MMP3: variants seen among roughly 807,000 people sequenced by gnomAD.
MMP3 encodes matrix metallopeptidase 3, also known as stromelysin-1.
MMP3 carries 46 observed loss-of-function variants against 47.3 expected under a neutral mutation model. That is an observed-to-expected ratio of 0.97 (90% CI 0.77 to 1.24). The LOEUF is 1.24. Among genes scored for constraint, MMP3 ranks in the 50% most tolerant of loss-of-function variants. MMP3 has a pLI of 0.00. For synonymous variants in MMP3, 216 were observed against 206.5 expected (o/e 1.05, Z -0.39); for missense variants, 558 against 565.5 (o/e 0.99, Z 0.13).
At chr11:102,843,345 T>C (rs1054768363) in intron 1 of MMP3, 97 bp downstream of exon 1, 1 of 829,116 alleles carries the variant, frequency 1.2e-6, no homozygotes, top group African/African-American at 1.7e-5. Context: ...TCCTACACAG[T>C]AAGCTCAAGC....
intron 1 of MMP3, among the ~76,000 whole-genome samples, 167 bp downstream of exon 1, chr11:102,843,275 G>T (rs112520773): frequency 6.6e-6 from 1 of 152,084 alleles, no homozygotes; most frequent in Non-Finnish European, 1.5e-5. Context: ...AAGCCCAAAT[G>T]GTGTGATAAT....
chr11:102,842,178 C>A lies in MMP3; in HGVS notation c.601G>T (p.Glu201Ter). ...INGDAHFDDD[E>*]QWTKDTTGTN... ...CCTGTTGTATCCTTTGTCCATTGTT[C>A]ATCATCATCAAAGTGGGCATCTCCA... Residue 201 changes from glutamate to a stop codon, truncating the protein, a stop_gained, in exon 4 of 10, where the codon GAA becomes TAA. Coordinates refer to ENST00000299855, the MANE Select transcript of MMP3 (RefSeq NM_002422.5). LOFTEE classifies it high-confidence loss of function. 6.2e-7 allele frequency: 1 copy of A among 1,610,194 alleles called. No homozygotes were observed. Among genetic ancestry groups the A allele is most frequent in the South Asian group, 1.1e-5 (1 of 90,146 alleles).
At position 102,836,690 on chromosome 11, in the gene MMP3, A is replaced by G; in HGVS notation, c.1334-464T>C. 2 of 394,502 alleles carry G rather than the reference A, an allele frequency of 5.1e-6. No individual in the cohort carries two copies. Among genetic ancestry groups the G allele is most frequent in the Non-Finnish European group, 5.2e-6 (1 of 192,748 alleles). The allele number at this position is 394,502 out of a possible 1,614,324, so 24.4% of individuals were successfully genotyped here. On this transcript the variant is annotated intron_variant, in intron 9 of 9. Transcript: ENST00000299855. The surrounding 1 kb of genome is among the most constrained non-coding windows in gnomAD (Gnocchi z 4.6). ...TAGGAAGCACAGCAACTATTTCAAA[A>G]CACCAGGGGACCCTTTAGTGCTCTG... is the stretch of plus-strand genomic sequence containing the variant.
In MMP3 at chr11:102,836,161, G is replaced by C; in HGVS notation, c.1399C>G (p.His467Asp). 6.2e-7 allele frequency: 1 copy of C among 1,613,886 alleles called. No individual in the cohort carries two copies. Among genetic ancestry groups the C allele is most frequent in the African/African-American group, 1.3e-5 (1 of 75,034 alleles). Residue 467 changes from histidine (H) to aspartate (D), a missense_variant, in exon 10 of 10, where the codon CAC becomes GAC. Transcript: ENST00000299855. This position sits in a 1 kb window ranked among gnomAD's most constrained non-coding sequence, Gnocchi z 4.6. ...AGCCAGCTGTTACTCTTCAAAGTGT[G>C]TGTCACTTTCTTTGCATTTGGGTCA... ...EFDPNAKKVTHTLKSNSWLNC is the reference protein window; with the variant it reads ...EFDPNAKKVTDTLKSNSWLNC
chr11:102,837,046 A>G lies in MMP3; in HGVS notation c.1333+252T>C, dbSNP rs782738724. On this transcript the variant is annotated intron_variant, in intron 9 of 9. Coordinates refer to ENST00000299855, the MANE Select transcript of MMP3 (RefSeq NM_002422.5). The surrounding 1 kb of genome is among the most constrained non-coding windows in gnomAD (Gnocchi z 4.4). ...CATGTTAGCTCGAGATGTAAGTGAC[A>G]CTGGAGCACTTTGATTTTATATGCA... Among the ~76,000 whole-genome samples, 4 of 152,204 alleles carry G rather than the reference A, an allele frequency of 2.6e-5. No individual in the cohort carries two copies. Among genetic ancestry groups the G allele is most frequent in the Non-Finnish European group, 4.4e-5 (3 of 68,032 alleles).
chr11:102,840,214 TG>T lies in MMP3; in HGVS notation c.828del (p.Thr277ArgfsTer26). 6.2e-7 allele frequency: 1 copy of T among 1,613,862 alleles called. No homozygotes were observed. The highest frequency in any genetic ancestry group is 8.5e-7 in the Non-Finnish European group (1 of 1,179,940). On this transcript the variant is annotated frameshift_variant, in exon 6 of 10. Coordinates refer to ENST00000299855, the MANE Select transcript of MMP3 (RefSeq NM_002422.5). LOFTEE classifies it high-confidence loss of function. Reference sequence around the variant, plus strand: ...CCAGGTTCTGGAGGGACAGGTTCCGTGGGTACCAGGGGGGTCTCAGGGGAGT... The same window carrying T: ...CCAGGTTCTGGAGGGACAGGTTCCGTGGTACCAGGGGGGTCTCAGGGGAGT... The part of the protein sequence containing the change: ...PPDSPETPLV[P>X]TEPVPPEPGT...
At position 102,842,755 on chromosome 11, in the gene MMP3, CT is replaced by C; in HGVS notation, c.266del (p.Lys89SerfsTer31). 1.2e-6 allele frequency: 2 copies of C among 1,613,966 alleles called. No homozygotes were observed. The highest frequency in any genetic ancestry group is 2.2e-5 in the East Asian group (1 of 44,886). On this transcript the variant is annotated frameshift_variant, in exon 2 of 10. Coordinates refer to ENST00000299855, the MANE Select transcript of MMP3 (RefSeq NM_002422.5). LOFTEE classifies it high-confidence loss of function. ...LDSDTLEVMR[K>X]PRCGVPDVGH... Reference sequence around the variant, plus strand: ...CAACATCAGGAACTCCACACCTGGGCTTGCGCATCACCTCCAGAGTGTCGGA... The same window carrying C: ...CAACATCAGGAACTCCACACCTGGGCTGCGCATCACCTCCAGAGTGTCGGA...
At chr11:102,841,706 C>T (rs1444852479) in intron 4 of MMP3, among the ~76,000 whole-genome samples, 2 of 137,926 alleles carry the variant, frequency 1.5e-5, no homozygotes, top group Admixed American at 7.9e-5. Flanking sequence ...AATAATGCCT[C>T]AGCCAGAAAA....
intron 3 of MMP3, 24 bp downstream of exon 3, chr11:102,842,407 T>TTTTTTTTTTTTTTTTTTTTTTTTTTTTTC: frequency 1.4e-6 from 1 of 710,170 alleles, no homozygotes; most frequent in Non-Finnish European, 1.9e-6. Context: ...TGTTTTGCTT[T>TTTTTTTTTTTTTTTTTTTTTTTTTTTTTC]TTTTTTTTTT....
At position 102,840,271 on chromosome 11, in the gene MMP3, GA is replaced by G; in HGVS notation, c.791-20del. On this transcript the variant is annotated intron_variant, in intron 5 of 9. Transcript: ENST00000299855. ...GGAGGTCCTAAAGGGAACATTAGGG[GA>G]AATGTGATACGTTTCAATATATGCC... 1.9e-6 allele frequency: 3 copies of G among 1,610,518 alleles called. No individual in the cohort carries two copies. The highest frequency in any genetic ancestry group is 2.5e-6 in the Non-Finnish European group (3 of 1,178,772).
In MMP3 at chr11:102,842,292, A is replaced by G; in HGVS notation, c.500-13T>C. 6.3e-7 allele frequency: 1 copy of G among 1,594,290 alleles called. No homozygotes were observed. Among genetic ancestry groups the G allele is most frequent in the Non-Finnish European group, 8.5e-7 (1 of 1,173,900 alleles). ...AAGTCTCCATGTTCTAGTAGGAAAA[A>G]AATTTATTGGAAAGATATGTAACAA... On this transcript the variant is annotated splice_polypyrimidine_tract_variant and intron_variant, in intron 3 of 9. Transcript: ENST00000299855.
chr11:102,842,779 G>A lies in MMP3; in HGVS notation c.243C>T (p.Ser81=), dbSNP rs138156158. Residue 81 remains serine (S), a synonymous_variant, in exon 2 of 10, where the codon TCC becomes TCT. Coordinates refer to ENST00000299855, the MANE Select transcript of MMP3 (RefSeq NM_002422.5). ...GCTTGCGCATCACCTCCAGAGTGTC[G>A]GAGTCCAGCTTCCCCGTCACCTCCA... is the stretch of plus-strand genomic sequence containing the variant. ...LGLEVTGKLD[S]DTLEVMRKPR... 22 of 1,613,740 alleles carry A rather than the reference G, an allele frequency of 1.4e-5. No homozygotes were observed. The highest frequency in any genetic ancestry group is 1.6e-4 in the Middle Eastern group (1 of 6,084).
intron 6 of MMP3, among the ~76,000 whole-genome samples, 182 bp downstream of exon 6, chr11:102,839,925 CA>C (rs1461528694): frequency 6.6e-6 from 1 of 152,188 alleles, no homozygotes; most frequent in Non-Finnish European, 1.5e-5. Flanking sequence ...CCTGTGCCTT[CA>C]AAAATGAACC....
chr11:102,841,418 G>A (rs1316714743), intron 4 of MMP3, among the ~76,000 whole-genome samples: 3 of 152,064 alleles, frequency 2.0e-5, no homozygotes, highest in Non-Finnish European at 4.4e-5. Context: ...ATTCTATCCA[G>A]GACTAAACTC....
Position 102,840,100 on chromosome 11 carries a change from A to G in MMP3, c.935+8T>C. 1 of 1,603,270 alleles carries G rather than the reference A, an allele frequency of 6.2e-7. No homozygotes were observed. Reference sequence around the variant, plus strand: ...AAATGGTAGGAAAATATAATTTTTCAGCCTGACCTGTCTTTAAAGATCAGG... The same window carrying G: ...AAATGGTAGGAAAATATAATTTTTCGGCCTGACCTGTCTTTAAAGATCAGG... On this transcript the variant is annotated splice_region_variant and intron_variant, in intron 6 of 9. Coordinates refer to ENST00000299855, the MANE Select transcript of MMP3 (RefSeq NM_002422.5).
In MMP3 at chr11:102,837,485, AT is replaced by A; in HGVS notation, c.1230-85del. 1 of 990,266 alleles carries A rather than the reference AT, an allele frequency of 1.0e-6. No individual in the cohort carries two copies. The highest frequency in any genetic ancestry group is 1.4e-5 in the South Asian group (1 of 69,746). 61.3% of individuals were successfully genotyped at this position (990,266 alleles called of 1,614,324 possible). A position where few individuals can be genotyped will look rare whatever the true frequency, so the allele number is the denominator to read the frequency against. ...TAGATCATGTTAGGTTTAATGTGGA[AT>A]TTTACTAAACTTTATAAATACTGCA... is the stretch of plus-strand genomic sequence containing the variant. On this transcript the variant is annotated intron_variant, in intron 8 of 9. Transcript: ENST00000299855. The surrounding 1 kb of genome is among the most constrained non-coding windows in gnomAD (Gnocchi z 4.4).
Position 102,843,600 on chromosome 11 carries a change from G to A in MMP3, c.-54C>T, listed in dbSNP as rs971097949. On this transcript the variant is annotated 5_prime_UTR_variant, in exon 1 of 10. Coordinates refer to ENST00000299855, the MANE Select transcript of MMP3 (RefSeq NM_002422.5). Reference sequence around the variant, plus strand: ...GTCTCTATGCCTTGCTGTCTTGCCTGCCTCCTTGTAGGTCCAACCTCGGGA... The same window carrying A: ...GTCTCTATGCCTTGCTGTCTTGCCTACCTCCTTGTAGGTCCAACCTCGGGA... 6.9e-7 allele frequency: 1 copy of A among 1,454,936 alleles called. No individual in the cohort carries two copies. The highest frequency in any genetic ancestry group is 9.5e-7 in the Non-Finnish European group (1 of 1,047,932). The allele number at this position is 1,454,936 out of a possible 1,614,324, so 90.1% of individuals were successfully genotyped here.
chr11:102,841,848 A>G (rs1302270676), intron 4 of MMP3, among the ~76,000 whole-genome samples: 3 of 152,162 alleles, frequency 2.0e-5, no homozygotes, highest in South Asian at 2.1e-4. Flanking sequence ...GCAATATACT[A>G]TCCCTTGAAT....
chr11:102,836,372 C>A lies in MMP3; in HGVS notation c.1334-146G>T. The A allele has an allele frequency of 1.4e-6, 1 of 698,260 alleles. No homozygotes were observed. The allele number at this position is 698,260 out of a possible 1,614,324, so 43.3% of individuals were successfully genotyped here. A position where few individuals can be genotyped will look rare whatever the true frequency, so the allele number is the denominator to read the frequency against. ...GTCAGGGACTATGCCAAGCTTGTTA[C>A]ATGAATTTATTTTCATTTATTTCTG... On this transcript the variant is annotated intron_variant, in intron 9 of 9. Transcript: ENST00000299855. The surrounding 1 kb of genome is among the most constrained non-coding windows in gnomAD (Gnocchi z 4.6).
Sources: allele counts gnomAD v4.1 joint callset (sites outside exome capture counted in the v4.1 genomes callset), GRCh38; gene constraint gnomAD v4.1.1; non-coding constraint Gnocchi (gnomAD v3.1); transcripts MANE v1.5; gene names NCBI Gene and HGNC (gene_info 2026-07-23, HGNC 2026-07-21).